Variants in SLMAP observed in about 807,000 individuals in gnomAD.
SLMAP encodes the protein sarcolemmal membrane-associated protein.
Under a neutral mutation model 128.8 loss-of-function variants are expected in SLMAP, and 44 were observed. The ratio of observed to expected loss-of-function variants is 0.34; its 90% confidence interval spans 0.27 to 0.44. The LOEUF (loss-of-function observed/expected upper bound fraction) is 0.44. SLMAP is among the 20% of genes least tolerant of loss of function. The pLI, the probability that SLMAP is intolerant of heterozygous loss-of-function variation, is 1.00. For synonymous variants in SLMAP, 327 were observed against 348.8 expected, an observed-to-expected ratio of 0.94 and a Z score of 0.70; for missense variants, 787 against 985.3, an observed-to-expected ratio of 0.80 and a Z score of 2.69.
chr3:57,919,203 A>C (rs2153701743), intron 22 of SLMAP, among the ~76,000 whole-genome samples: 1 of 152,276 alleles, frequency 6.6e-6, no homozygotes. Context: ...CAATATGATG[A>C]AACCCCGTCT....
In SLMAP at chr3:57,778,050, ATC is replaced by A. The variant is rs570863684; in HGVS notation, c.198+20205_198+20206del. ...CTTATATTTTGTTAAGGATTTTTGT[ATC>A]TCTGTTCATGAAGTATTCGTCTTAA... On this transcript the variant is annotated intron_variant, in intron 2 of 24. Coordinates refer to ENST00000671191, the MANE Select transcript of SLMAP (RefSeq NM_001377540.1). 2.3e-4 allele frequency among the ~76,000 whole-genome samples: 35 copies of A among 152,256 alleles called. No individual in the cohort carries two copies. The South Asian group carries it at 7.2e-3, about 32-fold the overall frequency.
chr3:57,826,539 C>T (rs909656664), intron 2 of SLMAP, among the ~76,000 whole-genome samples: 3 of 152,140 alleles, frequency 2.0e-5, no homozygotes, highest in Non-Finnish European at 4.4e-5. Context: ...TTCCTTTCCC[C>T]TTCTCAACTT....
rs773220459 is a variant in SLMAP at position 57,864,623 on chromosome 3, G to A, written c.1042G>A (p.Glu348Lys). Residue 348 changes from glutamate to lysine, a missense_variant, in exon 11 of 25, where the codon GAA becomes AAA. Coordinates refer to ENST00000671191, the MANE Select transcript of SLMAP (RefSeq NM_001377540.1). ...AAAAGAATTACAACATAAAATAGATGAAATGGAAGAAAAAGAACAGGAGCT... is the reference window on the plus strand; with the variant it reads ...AAAAGAATTACAACATAAAATAGATAAAATGGAAGAAAAAGAACAGGAGCT... ...EKKELQHKID[E>K]MEEKEQELQA... is the part of the protein sequence containing the mutation. 1.4e-5 allele frequency: 23 copies of A among 1,596,276 alleles called. No individual in the cohort carries two copies. The highest frequency in any genetic ancestry group is 1.5e-5 in the Non-Finnish European group (18 of 1,174,972).
chr3:57,814,663 T>C (rs2091587694), intron 2 of SLMAP, among the ~76,000 whole-genome samples: 1 of 152,132 alleles, frequency 6.6e-6, no homozygotes, highest in Non-Finnish European at 1.5e-5. Context: ...AGCTGACTAG[T>C]AATTTCCTCT....
At chr3:57,865,669 C>T (rs1446368042) in intron 13 of SLMAP, among the ~76,000 whole-genome samples, 4 of 152,150 alleles carry the variant, frequency 2.6e-5, no homozygotes, top group Non-Finnish European at 4.4e-5. Context: ...TATTTAACAG[C>T]TTATTGAGCC....
At chr3:57,809,571 C>T (rs73088356) in intron 2 of SLMAP, among the ~76,000 whole-genome samples, 21,042 of 152,190 alleles carry the variant, frequency 0.14, 1,532 homozygotes, top group South Asian at 0.21. Context: ...GACAGGTTCC[C>T]GGGTGGAAGG....
intron 2 of SLMAP, among the ~76,000 whole-genome samples, chr3:57,794,357 C>G (rs559399357): frequency 1.6e-4 from 24 of 152,274 alleles, no homozygotes; most frequent in African/African-American, 5.8e-4. Context: ...TCCTGAGTCT[C>G]TTTCAAAAGT....
chr3:57,836,077 GAT>G (rs1212347605), intron 3 of SLMAP, among the ~76,000 whole-genome samples: 1 of 152,076 alleles, frequency 6.6e-6, no homozygotes, highest in Non-Finnish European at 1.5e-5. Context: ...ATTTCTATAA[GAT>G]ATAATGTTGA....
rs1334211807 is a variant in SLMAP at position 57,864,663 on chromosome 3, A to C, written c.1082A>C (p.Glu361Ala). Residue 361 changes from glutamate to alanine, a missense_variant, in exon 11 of 25, where the codon GAA becomes GCA. Transcript: ENST00000671191. ...EKEQELQAKI[E>A]ALQADNDFTN... ...GAACAGGAGCTCCAGGCAAAAATAG[A>C]AGCTTTGCAAGCTGATAATGATTTC... is the stretch of plus-strand genomic sequence containing the variant. 1 of 1,597,542 alleles carries C rather than the reference A, an allele frequency of 6.3e-7. No individual in the cohort carries two copies. The highest frequency in any genetic ancestry group is 8.5e-7 in the Non-Finnish European group (1 of 1,175,920).
At chr3:57,878,798 G>A (rs775531627) in intron 14 of SLMAP, among the ~76,000 whole-genome samples, 15 of 152,122 alleles carry the variant, frequency 9.9e-5, no homozygotes, top group Admixed American at 2.0e-4. Context: ...TTATTTTGAT[G>A]TCCCAGTCAT....
chr3:57,919,895 A>G (rs1329857018), intron 22 of SLMAP, among the ~76,000 whole-genome samples: 6 of 152,126 alleles, frequency 3.9e-5, no homozygotes, highest in African/African-American at 1.4e-4. Flanking sequence ...CCGTGGGGCC[A>G]GAGTCCTTGC....
At chr3:57,777,052 C>T (rs888617610) in intron 2 of SLMAP, among the ~76,000 whole-genome samples, 7 of 136,068 alleles carry the variant, frequency 5.1e-5, no homozygotes, top group Admixed American at 4.4e-4. Context: ...CAACACAATA[C>T]CTTTCTCCAA....
chr3:57,917,299 C>G (rs1414875119), intron 22 of SLMAP: 1 of 1,197,826 alleles, frequency 8.3e-7, no homozygotes, highest in Non-Finnish European at 1.1e-6. Context: ...ATATACAAAA[C>G]TACATTTTAA....
intron 14 of SLMAP, among the ~76,000 whole-genome samples, chr3:57,886,704 C>A (rs1575742536): frequency 7.1e-6 from 1 of 141,838 alleles, no homozygotes; most frequent in African/African-American, 2.6e-5. Context: ...AATAATTTAC[C>A]AATTAAGTAG....
chr3:57,923,054 ATT>A (rs2096944025), intron 23 of SLMAP, 31 bp downstream of exon 23: 1 of 1,605,710 alleles, frequency 6.2e-7, no homozygotes, highest in South Asian at 1.1e-5. Flanking sequence ...CTTAGCTTTG[ATT>A]GAGAGGCACA....
chr3:57,843,994 T>C (rs1460811811), intron 4 of SLMAP, among the ~76,000 whole-genome samples: 6 of 151,678 alleles, frequency 4.0e-5, no homozygotes, highest in Admixed American at 1.3e-4. Context: ...TTGGCCGGGC[T>C]ACCTCAAACT....
At chr3:57,878,830 A>G (rs572797315) in intron 14 of SLMAP, among the ~76,000 whole-genome samples, 3 of 152,314 alleles carry the variant, frequency 2.0e-5, no homozygotes, top group Non-Finnish European at 4.4e-5. Flanking sequence ...AATGAAACCC[A>G]ATTTTGAGAC....
At chr3:57,874,427 T>C (rs1002547280) in intron 14 of SLMAP, among the ~76,000 whole-genome samples, 5 of 152,162 alleles carry the variant, frequency 3.3e-5, no homozygotes, top group African/African-American at 1.2e-4. Context: ...CAAAAATCCT[T>C]GTTTTATTTT....
chr3:57,858,231 T>G, intron 8 of SLMAP, 72 bp downstream of exon 8: 1 of 889,826 alleles, frequency 1.1e-6, no homozygotes, highest in South Asian at 1.4e-5. Context: ...TTGACTATCA[T>G]TTTGAGTATA....
Sources: allele counts gnomAD v4.1 joint callset (sites outside exome capture counted in the v4.1 genomes callset), GRCh38; gene constraint gnomAD v4.1.1; transcripts MANE v1.5; gene names NCBI Gene and HGNC (gene_info 2026-07-23, HGNC 2026-07-21).